The following MALRD1 variants were observed in gnomAD, a reference collection of about 807,000 sequenced individuals.
The protein encoded by MALRD1 is MAM and LDL-receptor class A domain-containing protein 1.
In MALRD1, 247 loss-of-function variants were observed where a neutral mutation model predicts 242.1. The ratio of observed to expected loss-of-function variants is 1.02; its 90% CI spans 0.92 to 1.13. MALRD1 has a LOEUF of 1.13. Ranked by LOEUF, MALRD1 falls within the 50% of genes most tolerant of loss-of-function variation. The pLI is 0.00. For missense variants in MALRD1, 2,989 were observed against 2,533.1 expected, an observed-to-expected ratio of 1.18 and a Z score of -3.86; for synonymous variants, 995 against 866.6, an observed-to-expected ratio of 1.15 and a Z score of -2.60.
At chr10:19,077,509 G>T (rs191765680) in intron 2 of MALRD1, among the ~76,000 whole-genome samples, 1 of 151,966 alleles carries the variant, frequency 6.6e-6, no homozygotes, top group Admixed American at 6.6e-5. Context: ...GACCCTAAAG[G>T]GTGCCCTGAT....
chr10:19,108,716 C>T (rs868045978), intron 5 of MALRD1, among the ~76,000 whole-genome samples: 1 of 26,716 alleles, frequency 3.7e-5, no homozygotes, highest in Admixed American at 4.3e-4. Flanking sequence ...CGCGCCCGGC[C>T]GTTTTTTCTA....
intron 25 of MALRD1, among the ~76,000 whole-genome samples, chr10:19,350,995 G>T (rs753031958): frequency 6.6e-6 from 1 of 152,132 alleles, no homozygotes; most frequent in East Asian, 1.9e-4. Flanking sequence ...GTATTTTGGG[G>T]TCATAGAATA....
intron 38 of MALRD1, among the ~76,000 whole-genome samples, chr10:19,700,021 GACACACACACACAC>G (rs58040272): frequency 9.9e-5 from 14 of 141,272 alleles, no homozygotes; most frequent in African/African-American, 3.1e-4. Flanking sequence ...AATTGATTTA[GACACACACACACAC>G]ACACACACAC....
intron 8 of MALRD1, among the ~76,000 whole-genome samples, chr10:19,131,252 T>G (rs11008597): frequency 6.6e-6 from 1 of 151,860 alleles, no homozygotes; most frequent in East Asian, 1.9e-4. Context: ...TTTTGTGTTG[T>G]GAATATCTAT....
At chr10:19,599,015 G>A (rs768705286) in intron 34 of MALRD1, among the ~76,000 whole-genome samples, 1 of 152,118 alleles carries the variant, frequency 6.6e-6, no homozygotes, top group Non-Finnish European at 1.5e-5. Flanking sequence ...TTGGGATTTT[G>A]GAGAGAGAAC....
At chr10:19,294,280 T>A (rs1841589257) in intron 21 of MALRD1, among the ~76,000 whole-genome samples, 1 of 152,180 alleles carries the variant, frequency 6.6e-6, no homozygotes, top group Admixed American at 6.6e-5. Context: ...CCAAAATTTG[T>A]AGGAAAAACG....
At chr10:19,686,890 C>T (rs561729837) in intron 36 of MALRD1, among the ~76,000 whole-genome samples, 4 of 152,158 alleles carry the variant, frequency 2.6e-5, no homozygotes, top group Non-Finnish European at 5.9e-5. Context: ...CGCAGTGTTA[C>T]AGTCACACTT....
At chr10:19,580,108 C>A (rs1245729901) in intron 33 of MALRD1, among the ~76,000 whole-genome samples, 1 of 152,040 alleles carries the variant, frequency 6.6e-6, no homozygotes, top group Non-Finnish European at 1.5e-5. Flanking sequence ...GGGTTGCAGG[C>A]CTTATGGCAG....
At chr10:19,497,290 T>C (rs911614589) in intron 30 of MALRD1, among the ~76,000 whole-genome samples, 2 of 150,960 alleles carry the variant, frequency 1.3e-5, no homozygotes, top group African/African-American at 4.9e-5. Context: ...TATCACATAA[T>C]AAAAACCTAT....
At chr10:19,351,167 T>C (rs1384082454) in intron 25 of MALRD1, among the ~76,000 whole-genome samples, 1 of 152,168 alleles carries the variant, frequency 6.6e-6, no homozygotes, top group Non-Finnish European at 1.5e-5. Flanking sequence ...GTTTCAAACA[T>C]GTTTTTTTCC....
chr10:19,590,243 GT>G (rs1199583950), intron 33 of MALRD1, among the ~76,000 whole-genome samples: 2 of 148,754 alleles, frequency 1.3e-5, no homozygotes, highest in African/African-American at 4.9e-5. Flanking sequence ...AGGAATATTG[GT>G]GGTGATATAT....
chr10:19,125,644 T>G (rs1183354038), intron 7 of MALRD1, among the ~76,000 whole-genome samples: 2 of 151,726 alleles, frequency 1.3e-5, no homozygotes, highest in Non-Finnish European at 2.9e-5. Context: ...TGACTATTCT[T>G]AATTTTTAGG....
intron 24 of MALRD1, among the ~76,000 whole-genome samples, chr10:19,335,278 A>T (rs1843558023): frequency 6.6e-6 from 1 of 151,384 alleles, no homozygotes; most frequent in African/African-American, 2.4e-5. Flanking sequence ...AATAATGCAT[A>T]GGAAAAGTAA....
chr10:19,610,296 G>T (rs928951992), intron 35 of MALRD1, among the ~76,000 whole-genome samples: 6 of 151,874 alleles, frequency 4.0e-5, no homozygotes, highest in Middle Eastern at 3.4e-3. Context: ...TTACCCTACT[G>T]TGCAGTAGAA....
chr10:19,534,947 G>A (rs1309033216), intron 32 of MALRD1, among the ~76,000 whole-genome samples: 3 of 151,924 alleles, frequency 2.0e-5, no homozygotes, highest in African/African-American at 4.8e-5. Context: ...GTGCAGTGGC[G>A]CGATCTTGGC....
chr10:19,095,926 C>G (rs554209030), intron 4 of MALRD1, among the ~76,000 whole-genome samples: 12 of 152,148 alleles, frequency 7.9e-5, no homozygotes, highest in Non-Finnish European at 1.3e-4. Flanking sequence ...TTCCATCTCT[C>G]TCCGTTCTTG....
At chr10:19,695,519 CTTTTT>C (rs10579256) in intron 38 of MALRD1, among the ~76,000 whole-genome samples, 2 of 117,110 alleles carry the variant, frequency 1.7e-5, no homozygotes, top group Non-Finnish European at 3.5e-5. Context: ...GTTTTTCTTT[CTTTTT>C]TTTTTTTTTT....
intron 36 of MALRD1, among the ~76,000 whole-genome samples, chr10:19,623,890 T>C (rs1839520760): frequency 6.6e-6 from 1 of 152,134 alleles, no homozygotes; most frequent in Non-Finnish European, 1.5e-5. Flanking sequence ...TGGGCATCCC[T>C]TAGCTCAGTT....
At chr10:19,692,685 A>T (rs1365615103) in intron 38 of MALRD1, 131 bp downstream of exon 38, 3 of 659,192 alleles carry the variant, frequency 4.6e-6, no homozygotes, top group Non-Finnish European at 7.4e-6. Context: ...TGCTTTATGG[A>T]TTTATTTTTC....
Sources: allele counts gnomAD v4.1 joint callset (sites outside exome capture counted in the v4.1 genomes callset), GRCh38; gene constraint gnomAD v4.1.1; transcripts MANE v1.5; gene names NCBI Gene and HGNC (gene_info 2026-07-23, HGNC 2026-07-21).